FSTL5: variants seen among roughly 807,000 people sequenced by gnomAD.
FSTL5 encodes follistatin like 5.
In FSTL5, 62 loss-of-function variants were observed where a neutral mutation model predicts 89.1. The ratio of observed to expected loss-of-function variants is 0.70; its 90% CI spans 0.57 to 0.86. The LOEUF is 0.86. FSTL5 is among the 40% of genes least tolerant of loss of function. The pLI is 0.00. For synonymous variants in FSTL5, 383 were observed against 346.2 expected (o/e 1.11, Z -1.18); for missense variants, 1,057 against 1,001.6 (o/e 1.06, Z -0.75).
chr4:162,160,361 G>C (rs1733647309), intron 1 of FSTL5, among the ~76,000 whole-genome samples: 1 of 151,714 alleles, frequency 6.6e-6, no homozygotes, highest in Non-Finnish European at 1.5e-5. Flanking sequence ...TTTCCACAAG[G>C]GATTCTACAG....
At chr4:161,981,734 C>T (rs1430966677) in intron 3 of FSTL5, among the ~76,000 whole-genome samples, 1 of 152,128 alleles carries the variant, frequency 6.6e-6, no homozygotes, top group Non-Finnish European at 1.5e-5. Flanking sequence ...GGTTCTTGGA[C>T]TTTGCCTTCA....
chr4:161,711,107 A>G (rs973210928), intron 6 of FSTL5, among the ~76,000 whole-genome samples: 3 of 151,750 alleles, frequency 2.0e-5, no homozygotes, highest in African/African-American at 7.2e-5. Context: ...AATATTTTTA[A>G]TTAATAACCT....
At chr4:161,832,717 G>C (rs1290978978) in intron 4 of FSTL5, among the ~76,000 whole-genome samples, 2 of 151,800 alleles carry the variant, frequency 1.3e-5, no homozygotes, top group Non-Finnish European at 2.9e-5. Flanking sequence ...CTGTGGGATC[G>C]GTGGTGATAT....
At chr4:161,660,613 C>A (rs1560775984) in intron 6 of FSTL5, among the ~76,000 whole-genome samples, 1 of 152,190 alleles carries the variant, frequency 6.6e-6, no homozygotes, top group Admixed American at 6.5e-5. Flanking sequence ...TCCTGATCCT[C>A]TCCTTCCTCC....
At chr4:161,524,368 T>C (rs1731137126) in intron 10 of FSTL5, among the ~76,000 whole-genome samples, 1 of 152,010 alleles carries the variant, frequency 6.6e-6, no homozygotes, top group Non-Finnish European at 1.5e-5. Flanking sequence ...AACCAAGCTA[T>C]ATCCTGACCA....
chr4:161,686,853 T>C (rs72973230), intron 6 of FSTL5, among the ~76,000 whole-genome samples: 13,596 of 152,184 alleles, frequency 0.089, 999 homozygotes, highest in East Asian at 0.34. Context: ...AAGTAGAATA[T>C]GTGAAACAAA....
chr4:161,888,463 T>C (rs1172304700), intron 4 of FSTL5, among the ~76,000 whole-genome samples: 1 of 152,180 alleles, frequency 6.6e-6, no homozygotes, highest in Non-Finnish European at 1.5e-5. Flanking sequence ...ACATCACGAC[T>C]GAGTTAGGAA....
chr4:162,024,273 T>C (rs1560976103), intron 3 of FSTL5, among the ~76,000 whole-genome samples: 1 of 152,182 alleles, frequency 6.6e-6, no homozygotes, highest in Non-Finnish European at 1.5e-5. Flanking sequence ...ACATGATACA[T>C]AGATCATCAA....
intron 6 of FSTL5, among the ~76,000 whole-genome samples, chr4:161,673,943 C>T (rs978043502): frequency 6.6e-6 from 1 of 151,802 alleles, no homozygotes; most frequent in Non-Finnish European, 1.5e-5. Flanking sequence ...TAATCTGTCT[C>T]ATTTAAAATT....
At position 161,860,660 on chromosome 4, in the gene FSTL5, T is replaced by A. The variant is rs564172544; in HGVS notation, c.409+59744A>T. On this transcript the variant is annotated intron_variant, in intron 4 of 15. Coordinates refer to ENST00000306100, the MANE Select transcript of FSTL5 (RefSeq NM_020116.5). The stretch of plus-strand genomic sequence containing the variant: ...AAATTAATCTAACCATTTCCCTAGT[T>A]TTTTACATTTATATTCTATTTGGTG... Among the ~76,000 whole-genome samples, 51 of 152,306 alleles carry A rather than the reference T, an allele frequency of 3.3e-4. No individual in the cohort carries two copies. The South Asian group carries it at 0.011, about 32-fold the overall frequency.
At chr4:161,576,395 C>A (rs918395585) in intron 8 of FSTL5, among the ~76,000 whole-genome samples, 1 of 152,160 alleles carries the variant, frequency 6.6e-6, no homozygotes, top group Non-Finnish European at 1.5e-5. Flanking sequence ...AAGCTGGAGG[C>A]ATCACGCTAT....
At chr4:161,895,897 G>A (rs138429852) in intron 4 of FSTL5, among the ~76,000 whole-genome samples, 14 of 152,192 alleles carry the variant, frequency 9.2e-5, no homozygotes, top group African/African-American at 3.4e-4. Flanking sequence ...TTTCACCACA[G>A]ACAAAAATAT....
chr4:161,985,462 C>T (rs1735939124), intron 3 of FSTL5, among the ~76,000 whole-genome samples: 2 of 151,944 alleles, frequency 1.3e-5, no homozygotes, highest in African/African-American at 4.8e-5. Context: ...ATTAATATTA[C>T]ATAGTTTCAC....
intron 1 of FSTL5, among the ~76,000 whole-genome samples, chr4:162,127,798 CAT>C (rs1205262659): frequency 3.9e-5 from 6 of 151,964 alleles, no homozygotes. Context: ...CAAGGGTTGA[CAT>C]GTGATTATTT....
intron 4 of FSTL5, among the ~76,000 whole-genome samples, chr4:161,880,865 C>A (rs1158935501): frequency 6.6e-6 from 1 of 152,020 alleles, no homozygotes; most frequent in African/African-American, 2.4e-5. Context: ...AGAGATTATA[C>A]CAGTAGTTGC....
At chr4:161,393,230 A>G (rs1335015649) in intron 15 of FSTL5, among the ~76,000 whole-genome samples, 8 of 151,968 alleles carry the variant, frequency 5.3e-5, no homozygotes, top group Non-Finnish European at 2.9e-5. Context: ...CAATGTGTTC[A>G]TTTTATACAT....
intron 6 of FSTL5, among the ~76,000 whole-genome samples, chr4:161,733,317 T>C (rs920760927): frequency 2.6e-5 from 4 of 152,088 alleles, no homozygotes; most frequent in Non-Finnish European, 5.9e-5. Flanking sequence ...TTTATAGAAA[T>C]CAATTGATGT....
At chr4:161,926,164 C>A (rs1734115333) in intron 3 of FSTL5, among the ~76,000 whole-genome samples, 1 of 151,860 alleles carries the variant, frequency 6.6e-6, no homozygotes, top group African/African-American at 2.4e-5. Context: ...ACAGTATAAT[C>A]TTTTCATGAC....
At chr4:162,109,339 T>TGTATA (rs1308249181) in intron 2 of FSTL5, among the ~76,000 whole-genome samples, 12 of 152,026 alleles carry the variant, frequency 7.9e-5, no homozygotes, top group Non-Finnish European at 1.2e-4. Context: ...GTCATTCCTG[T>TGTATA]CAAACATACA....
Sources: gnomAD v4.1 joint callset for allele counts (sites outside exome capture counted in the v4.1 genomes callset) on GRCh38, gnomAD v4.1.1 for gene constraint, MANE v1.5 for transcripts, NCBI Gene and HGNC (gene_info 2026-07-23, HGNC 2026-07-21) for gene names.